Variants in UNC5D observed in about 807,000 individuals in gnomAD.
The protein encoded by UNC5D is unc-5 netrin receptor D.
UNC5D carries 39 observed loss-of-function variants against 105.4 expected under a neutral mutation model. That is an observed-to-expected ratio of 0.37 (90% confidence interval 0.29 to 0.48). UNC5D has a LOEUF of 0.48. UNC5D is among the 20% of genes least tolerant of loss of function. UNC5D has a pLI of 0.98. For synonymous variants in UNC5D, 452 were observed against 450.4 expected (o/e 1.00, Z -0.04); for missense variants, 991 against 1,202.4 (o/e 0.82, Z 2.60).
chr8:35,684,660 G>A lies in UNC5D; in HGVS notation c.830G>A (p.Arg277Gln). 6 of 1,613,896 alleles carry A rather than the reference G, an allele frequency of 3.7e-6. No individual in the cohort carries two copies. The highest frequency in any genetic ancestry group is 4.2e-6 in the Non-Finnish European group (5 of 1,179,970). The change falls in exon 6 of 17, where the codon CGG becomes CAG. Residue 277 changes from arginine (R) to glutamine (Q), a missense_variant. Around this residue, in one of 3 missense-constraint regions of UNC5D, gnomAD observed 944 missense variants for 1,131.6 expected, o/e 0.83. Coordinates refer to ENST00000404895, the MANE Select transcript of UNC5D (RefSeq NM_080872.4). The part of the protein sequence containing the change: ...RCGRGWQKRS[R>Q]TCTNPAPLNG... ...GGTAGAGGATGGCAGAAACGTTCCCGGACCTGCACCAACCCAGCTCCTCTC... is the reference window on the plus strand; with the variant it reads ...GGTAGAGGATGGCAGAAACGTTCCCAGACCTGCACCAACCCAGCTCCTCTC...
chr8:35,270,444 G>C (rs182323779), intron 1 of UNC5D, among the ~76,000 whole-genome samples: 1 of 152,234 alleles, frequency 6.6e-6, no homozygotes, highest in East Asian at 1.9e-4. Context: ...CGAGCTTTAT[G>C]AGAAACCATT....
At chr8:35,374,489 A>G (rs1050294704) in intron 1 of UNC5D, among the ~76,000 whole-genome samples, 1 of 152,234 alleles carries the variant, frequency 6.6e-6, no homozygotes, top group African/African-American at 2.4e-5. Context: ...TATGAAGAAT[A>G]GACTAAGTAT....
intron 16 of UNC5D, among the ~76,000 whole-genome samples, chr8:35,780,779 T>C (rs1586635672): frequency 6.6e-6 from 1 of 152,188 alleles, no homozygotes; most frequent in South Asian, 2.1e-4. Flanking sequence ...CTTCAAATAA[T>C]GGGTGTGAGG....
chr8:35,536,026 T>C (rs1006425105), intron 1 of UNC5D, among the ~76,000 whole-genome samples: 1 of 152,214 alleles, frequency 6.6e-6, no homozygotes, highest in African/African-American at 2.4e-5. Context: ...TAGCTCTGTC[T>C]TAACTCCAAA....
At chr8:35,736,774 T>C (rs1448404135) in intron 11 of UNC5D, among the ~76,000 whole-genome samples, 2 of 152,150 alleles carry the variant, frequency 1.3e-5, no homozygotes, top group African/African-American at 4.8e-5. Context: ...ATAAATAGCA[T>C]CACATATTTT....
chr8:35,402,354 G>A (rs886415525), intron 1 of UNC5D, among the ~76,000 whole-genome samples: 1 of 152,080 alleles, frequency 6.6e-6, no homozygotes, highest in African/African-American at 2.4e-5. Flanking sequence ...AGGCAAGAGA[G>A]AATGAGAGCC....
chr8:35,329,249 T>A (rs752809150), intron 1 of UNC5D, among the ~76,000 whole-genome samples: 1 of 152,098 alleles, frequency 6.6e-6, no homozygotes, highest in Non-Finnish European at 1.5e-5. Flanking sequence ...CAAGTCCTAT[T>A]TTTTACTGCC....
At chr8:35,533,791 G>T (rs1286494371) in intron 1 of UNC5D, among the ~76,000 whole-genome samples, 1 of 152,172 alleles carries the variant, frequency 6.6e-6, no homozygotes, top group East Asian at 1.9e-4. Context: ...CAATATTCGG[G>T]TGGGAGTAAC....
chr8:35,384,436 C>G (rs2128935014), intron 1 of UNC5D, among the ~76,000 whole-genome samples: 1 of 152,246 alleles, frequency 6.6e-6, no homozygotes, highest in East Asian at 1.9e-4. Context: ...TCTCTCCTCT[C>G]CTGCCCCCTT....
chr8:35,326,362 A>G (rs959433073), intron 1 of UNC5D, among the ~76,000 whole-genome samples: 2 of 152,310 alleles, frequency 1.3e-5, no homozygotes, highest in Admixed American at 6.5e-5. Flanking sequence ...CGTGGTTGGA[A>G]ACCAAGACAC....
intron 1 of UNC5D, among the ~76,000 whole-genome samples, chr8:35,248,957 A>T (rs1307678844): frequency 1.1e-5 from 1 of 94,616 alleles, no homozygotes; most frequent in African/African-American, 4.4e-5. Context: ...ATATAAACAT[A>T]TATAATATAT....
chr8:35,248,080 A>T lies in UNC5D; in HGVS notation c.103+12193A>T, dbSNP rs868669957. 3.4e-4 allele frequency among the ~76,000 whole-genome samples: 21 copies of T among 61,214 alleles called. No individual in the cohort carries two copies. The East Asian group carries it at 6.7e-3, about 19-fold the overall frequency. 40.2% of individuals were successfully genotyped at this position (61,214 alleles called of 152,430 possible). On this transcript the variant is annotated intron_variant, in intron 1 of 16. Coordinates refer to ENST00000404895, the MANE Select transcript of UNC5D (RefSeq NM_080872.4). ...ATATAAATATATATTATATATAAAA[A>T]ATATAATATATAAATATATATTATA...
rs1223246462 is a variant in UNC5D, at chr8:35,794,653, T to C, written c.*4090T>C. On this transcript the variant is annotated 3_prime_UTR_variant, in exon 17 of 17. Coordinates refer to ENST00000404895, the MANE Select transcript of UNC5D (RefSeq NM_080872.4). The stretch of plus-strand genomic sequence containing the variant: ...TCCAATGTCACAAAAGTGAAAATGT[T>C]ACTAATCTTAGATGTGTTGCATATT... The C allele has an allele frequency of 1.3e-5, 2 of 152,666 alleles. No homozygotes were observed. Among genetic ancestry groups the C allele is most frequent in the Admixed American group, 6.5e-5 (1 of 15,280 alleles). 9.5% of individuals were successfully genotyped at this position (152,666 alleles called of 1,614,324 possible).
intron 1 of UNC5D, among the ~76,000 whole-genome samples, chr8:35,238,476 A>G (rs1255576481): frequency 6.6e-6 from 1 of 152,224 alleles, no homozygotes; most frequent in Non-Finnish European, 1.5e-5. Context: ...CTCTGGTGCC[A>G]TGATCACTGT....
chr8:35,280,479 T>G (rs889378590), intron 1 of UNC5D, among the ~76,000 whole-genome samples: 1 of 152,190 alleles, frequency 6.6e-6, no homozygotes, highest in Non-Finnish European at 1.5e-5. Flanking sequence ...TGCATTGGAA[T>G]TGATTGTGAG....
intron 1 of UNC5D, among the ~76,000 whole-genome samples, chr8:35,344,524 G>A (rs891988799): frequency 3.3e-5 from 5 of 152,006 alleles, no homozygotes; most frequent in African/African-American, 1.2e-4. Context: ...AGTTGGGAGT[G>A]CTTTAAATAT....
chr8:35,240,190 T>C (rs1802718405), intron 1 of UNC5D, among the ~76,000 whole-genome samples: 1 of 152,148 alleles, frequency 6.6e-6, no homozygotes, highest in South Asian at 2.1e-4. Flanking sequence ...GCTCAGGTGA[T>C]CCTTCTGCCT....
chr8:35,352,478 G>T (rs745902101), intron 1 of UNC5D, among the ~76,000 whole-genome samples: 1 of 152,004 alleles, frequency 6.6e-6, no homozygotes, highest in South Asian at 2.1e-4. Context: ...TTAGAGAAAA[G>T]AAGTTATTTC....
intron 3 of UNC5D, among the ~76,000 whole-genome samples, chr8:35,578,513 C>T (rs541819537): frequency 1.1e-4 from 17 of 152,092 alleles, no homozygotes; most frequent in South Asian, 4.1e-4. Context: ...TTTAGATCTG[C>T]GAAAATAAAA....
Sources: allele counts gnomAD v4.1 joint callset (sites outside exome capture counted in the v4.1 genomes callset), GRCh38; gene constraint gnomAD v4.1.1; regional missense constraint gnomAD v4.1.1; transcripts MANE v1.5; gene names NCBI Gene and HGNC (gene_info 2026-07-23, HGNC 2026-07-21).